Variants in CD9 observed in about 807,000 individuals in gnomAD.
The protein encoded by CD9 is CD9 antigen.
In CD9, 10 loss-of-function variants were observed where a neutral mutation model predicts 31.4. That is an observed-to-expected ratio of 0.32 (90% CI 0.20 to 0.54). CD9 has a LOEUF of 0.54. CD9 is among the 20% of genes least tolerant of loss of function. CD9 has a pLI of 0.94. For synonymous variants in CD9, 113 were observed against 114.1 expected (o/e 0.99, Z 0.06); for missense variants, 259 against 300.1 (o/e 0.86, Z 1.01).
At position 6,235,563 on chromosome 12, in the gene CD9, A is replaced by G. The variant is rs551209610; in HGVS notation, c.535A>G (p.Lys179Glu). ...GGACGTACTCGAAACCTTCACCGTGAAGGTAAACTCAGACCAGGATCCTGG... is the reference window on the plus strand; with the variant it reads ...GGACGTACTCGAAACCTTCACCGTGGAGGTAAACTCAGACCAGGATCCTGG... ...KKDVLETFTV[K>E]SCPDAIKEVF... Residue 179 changes from lysine (K) to glutamate (E), a missense_variant and splice_region_variant, in exon 6 of 8, where the codon AAG (lysine) becomes GAG (glutamate). Transcript: ENST00000009180. 6.2e-7 allele frequency: 1 copy of G among 1,611,402 alleles called. No individual in the cohort carries two copies. The highest frequency in any genetic ancestry group is 1.1e-5 in the South Asian group (1 of 90,750).
intron 1 of CD9, among the ~76,000 whole-genome samples, chr12:6,206,894 A>T (rs1024021926): frequency 6.6e-6 from 1 of 150,916 alleles, no homozygotes; most frequent in East Asian, 1.9e-4. Flanking sequence ...CTGGAGGCCC[A>T]TAGACATTTT....
intron 2 of CD9, among the ~76,000 whole-genome samples, chr12:6,225,989 A>T (rs1432123245): frequency 2.0e-5 from 3 of 152,234 alleles, no homozygotes; most frequent in Non-Finnish European, 2.9e-5. Context: ...TGGGAAAAAC[A>T]TCAGCCTCCT....
At chr12:6,215,299 A>G (rs1946233502) in intron 1 of CD9, among the ~76,000 whole-genome samples, 1 of 152,178 alleles carries the variant, frequency 6.6e-6, no homozygotes, top group South Asian at 2.1e-4. Context: ...CTGGATTCAG[A>G]ACCCCCAGAG....
intron 4 of CD9, among the ~76,000 whole-genome samples, chr12:6,235,013 G>A (rs3181296): frequency 0.017 from 2,623 of 152,300 alleles, 67 homozygotes; most frequent in African/African-American, 0.059. Flanking sequence ...GAAACAGCCC[G>A]AGTGGGTTTC....
At chr12:6,213,229 C>CT (rs1348911421) in intron 1 of CD9, among the ~76,000 whole-genome samples, 1 of 152,212 alleles carries the variant, frequency 6.6e-6, no homozygotes, top group Non-Finnish European at 1.5e-5. Flanking sequence ...TTGAGGTTGT[C>CT]TAAGTGTTCA....
intron 1 of CD9, among the ~76,000 whole-genome samples, chr12:6,214,426 A>G (rs1269710801): frequency 7.5e-6 from 1 of 134,136 alleles, no homozygotes; most frequent in East Asian, 2.2e-4. Flanking sequence ...AACTCACTGC[A>G]GCCTTGACCT....
chr12:6,206,735 C>G (rs1033913701), intron 1 of CD9, among the ~76,000 whole-genome samples: 5 of 152,128 alleles, frequency 3.3e-5, no homozygotes, highest in Non-Finnish European at 7.4e-5. Context: ...CTCCCCCCGC[C>G]TCTCCAAAAA....
intron 1 of CD9, chr12:6,200,771 TG>T: frequency 2.2e-6 from 1 of 461,380 alleles, no homozygotes; most frequent in Non-Finnish European, 3.8e-6. Context: ...CGCATTCGGG[TG>T]GGGGCTCATC....
chr12:6,210,107 G>A (rs1203080215), intron 1 of CD9, among the ~76,000 whole-genome samples: 4 of 152,178 alleles, frequency 2.6e-5, no homozygotes, highest in Admixed American at 1.3e-4. Flanking sequence ...TTGAGAGCTC[G>A]TGCCCAGGGC....
At chr12:6,219,225 C>CA (rs1169060602) in intron 1 of CD9, among the ~76,000 whole-genome samples, 3 of 151,930 alleles carry the variant, frequency 2.0e-5, no homozygotes, top group African/African-American at 7.2e-5. Flanking sequence ...AGGCTGGTCT[C>CA]AAACTCCTGA....
upstream of CD9, chr12:6,200,324 G>A (rs1206174828): frequency 5.2e-6 from 2 of 381,912 alleles, no homozygotes. Flanking sequence ...GGCTTTTCCC[G>A]GCACATGCGC....
At chr12:6,226,787 A>G (rs769072001) in intron 2 of CD9, among the ~76,000 whole-genome samples, 3 of 152,256 alleles carry the variant, frequency 2.0e-5, no homozygotes, top group East Asian at 1.9e-4. Context: ...ACAGGTTTCT[A>G]TAGCGCCCTG....
At chr12:6,223,504 AC>A (rs1946320501) in intron 1 of CD9, among the ~76,000 whole-genome samples, 1 of 151,092 alleles carries the variant, frequency 6.6e-6, no homozygotes, top group South Asian at 2.1e-4. Flanking sequence ...CTCGTGATCC[AC>A]CCGCCTCAGC....
intron 1 of CD9, chr12:6,206,148 A>G (rs1411510498): frequency 1.6e-5 from 2 of 128,008 alleles, no homozygotes; most frequent in East Asian, 4.3e-4. Context: ...TGGGAAGGAA[A>G]TTCAGAAGAC....
At chr12:6,213,960 G>C (rs1233166840) in intron 1 of CD9, among the ~76,000 whole-genome samples, 1 of 152,206 alleles carries the variant, frequency 6.6e-6, no homozygotes, top group African/African-American at 2.4e-5. Flanking sequence ...AGAGCATTTT[G>C]CCAAATTCAA....
intron 1 of CD9, among the ~76,000 whole-genome samples, chr12:6,218,050 C>A (rs528041166): frequency 1.6e-3 from 245 of 151,882 alleles, no homozygotes; most frequent in Non-Finnish European, 2.8e-3. Flanking sequence ...CATGGGGAAA[C>A]TTCATCTCTA....
At chr12:6,205,998 C>T (rs1438793070) in intron 1 of CD9, 1 of 152,174 alleles carries the variant, frequency 6.6e-6, no homozygotes, top group Non-Finnish European at 1.5e-5. Context: ...CACCACAGGT[C>T]TTTTCAACCA....
intron 6 of CD9, 46 bp from the exon 7 acceptor site, chr12:6,236,146 G>A (rs776139655): frequency 6.2e-7 from 1 of 1,609,894 alleles, no homozygotes; most frequent in Non-Finnish European, 8.5e-7. Flanking sequence ...AGGTGCCCTG[G>A]GAGGAAGGAT....
At chr12:6,236,809 C>G (rs996082962) in intron 7 of CD9, 1 of 240,766 alleles carries the variant, frequency 4.2e-6, no homozygotes, top group Non-Finnish European at 7.9e-6. Flanking sequence ...CTGGGATGGC[C>G]TTGGCTCACT....
Sources: allele counts gnomAD v4.1 joint callset (sites outside exome capture counted in the v4.1 genomes callset), GRCh38; gene constraint gnomAD v4.1.1; transcripts MANE v1.5; gene names NCBI Gene and HGNC (gene_info 2026-07-23, HGNC 2026-07-21).